THBS4: variants seen among roughly 807,000 people sequenced by gnomAD.
THBS4 encodes thrombospondin-4.
In THBS4, 90 loss-of-function variants were observed where a neutral mutation model predicts 115.7. The observed-to-expected ratio is 0.78, with a 90% CI of 0.66 to 0.93. The LOEUF is 0.93. THBS4 is among the 40% of genes least tolerant of loss of function. The probability of loss-of-function intolerance (pLI) is 0.00; values close to 1 mark genes in which losing one functional copy is unlikely to be tolerated. For synonymous variants in THBS4, 460 were observed against 479.3 expected, an observed-to-expected ratio of 0.96 and a Z score of 0.53; for missense variants, 1,087 against 1,232.7, an observed-to-expected ratio of 0.88 and a Z score of 1.77.
chr5:80,042,218 T>C (rs1832925232), intron 2 of THBS4, among the ~76,000 whole-genome samples: 1 of 152,214 alleles, frequency 6.6e-6, no homozygotes, highest in Non-Finnish European at 1.5e-5. Context: ...ATTCTGCCCA[T>C]GTCTCTGCCT....
chr5:80,044,745 A>T (rs1193545215), intron 2 of THBS4, among the ~76,000 whole-genome samples: 1 of 151,976 alleles, frequency 6.6e-6, no homozygotes, highest in Non-Finnish European at 1.5e-5. Flanking sequence ...TTTTTTTTTT[A>T]ATGAATAAAT....
intron 20 of THBS4, among the ~76,000 whole-genome samples, chr5:80,081,749 A>C (rs1339207895): frequency 6.6e-6 from 1 of 152,218 alleles, no homozygotes; most frequent in Non-Finnish European, 1.5e-5. Flanking sequence ...CTAGGCCCTG[A>C]TAGTTGCTCT....
At chr5:80,076,767 C>A in intron 15 of THBS4, 88 bp from the exon 16 acceptor site, 2 of 1,313,488 alleles carry the variant, frequency 1.5e-6, no homozygotes, top group South Asian at 2.2e-5. Flanking sequence ...TTAAAAAAAA[C>A]CTCAAGCACA....
rs1742985189 is a variant in THBS4 at position 80,073,186 on chromosome 5, T to C, written c.1840-89T>C. 16 of 1,349,954 alleles carry C rather than the reference T, an allele frequency of 1.2e-5. No individual in the cohort carries two copies. In the Admixed American group the frequency reaches 2.8e-4, roughly 23 times the overall value. 83.6% of individuals were successfully genotyped at this position (1,349,954 alleles called of 1,614,324 possible). A position where few individuals can be genotyped will look rare whatever the true frequency, so the allele number is the denominator to read the frequency against. On this transcript the variant is annotated intron_variant, in intron 14 of 21. Coordinates refer to ENST00000350881, the MANE Select transcript of THBS4 (RefSeq NM_003248.6). ...GGTTCCAGAGAAATAATTCCCCAAA[T>C]CCAATGATGATGGGTGAGGTCTGCC... is the stretch of plus-strand genomic sequence containing the variant.
At chr5:80,025,265 T>C (rs185571549) in intron 2 of THBS4, among the ~76,000 whole-genome samples, 6 of 152,344 alleles carry the variant, frequency 3.9e-5, no homozygotes, top group African/African-American at 1.2e-4. Context: ...TATATATGCA[T>C]GCATGAATAT....
At chr5:80,081,674 A>G (rs1743513680) in intron 20 of THBS4, among the ~76,000 whole-genome samples, 1 of 152,234 alleles carries the variant, frequency 6.6e-6, no homozygotes, top group Admixed American at 6.5e-5. Context: ...ACCCTGGAAA[A>G]TATAGTTTAT....
chr5:80,068,387 G>A (rs573633472), intron 10 of THBS4: 2 of 401,982 alleles, frequency 5.0e-6, no homozygotes, highest in South Asian at 2.8e-5. Context: ...AGAGCCTCCG[G>A]TGAAGCCCCA....
chr5:80,058,971 C>T (rs533539434), intron 5 of THBS4, among the ~76,000 whole-genome samples, 181 bp downstream of exon 5: 1 of 151,818 alleles, frequency 6.6e-6, no homozygotes, highest in South Asian at 2.1e-4. Flanking sequence ...GGTCCAAGCT[C>T]GTGATGAACA....
chr5:80,024,297 C>A (rs1057324512), intron 2 of THBS4, among the ~76,000 whole-genome samples: 4 of 152,166 alleles, frequency 2.6e-5, no homozygotes, highest in African/African-American at 9.7e-5. Context: ...CTAACCAGGA[C>A]ACTACCCCTT....
chr5:80,040,343 T>A, intron 2 of THBS4, 63 bp downstream of exon 2: 1 of 1,338,194 alleles, frequency 7.5e-7, no homozygotes, highest in Non-Finnish European at 1.0e-6. Context: ...GGATTAGGGG[T>A]ATACTGTCTT....
chr5:80,037,812 T>C (rs1329609587), intron 1 of THBS4, among the ~76,000 whole-genome samples: 2 of 152,224 alleles, frequency 1.3e-5, no homozygotes, highest in African/African-American at 4.8e-5. Flanking sequence ...CCCTTTGCCC[T>C]CATTAGTGGA....
At chr5:80,029,972 A>C (rs2112003349) in intron 2 of THBS4, among the ~76,000 whole-genome samples, 2 of 152,274 alleles carry the variant, frequency 1.3e-5, no homozygotes, top group South Asian at 4.1e-4. Context: ...CATCTCAAAA[A>C]AAAATAATAG....
chr5:80,051,030 T>C (rs1177776239), intron 2 of THBS4, among the ~76,000 whole-genome samples: 2 of 152,164 alleles, frequency 1.3e-5, no homozygotes, highest in East Asian at 3.9e-4. Context: ...AATGGTCATC[T>C]TCCTCCTGCT....
rs1022220281 is a variant in THBS4, at chr5:80,083,148, G to C, written c.*7G>C. 2 of 1,610,996 alleles carry C rather than the reference G, an allele frequency of 1.2e-6. No individual in the cohort carries two copies. Among genetic ancestry groups the C allele is most frequent in the African/African-American group, 2.7e-5 (2 of 74,866 alleles). On this transcript the variant is annotated 3_prime_UTR_variant, in exon 22 of 22. Transcript: ENST00000350881. ...CGACCGCTTCGATAATTAAACCAAG[G>C]AAGCAATCTGTAACTGCTTTTCGGA...
chr5:80,058,025 C>T (rs955139970), intron 3 of THBS4, among the ~76,000 whole-genome samples, 181 bp from the exon 4 acceptor site: 1 of 152,192 alleles, frequency 6.6e-6, no homozygotes, highest in Non-Finnish European at 1.5e-5. Context: ...TACATATTCA[C>T]TTTAGTCAAA....
At chr5:80,077,103 C>T in intron 16 of THBS4, 55 bp downstream of exon 16, 1 of 1,445,290 alleles carries the variant, frequency 6.9e-7, no homozygotes, top group East Asian at 2.5e-5. Context: ...TTCAGCCAGG[C>T]ACATGGGGGC....
At chr5:80,034,450 A>G (rs1441498285), upstream of THBS4, among the ~76,000 whole-genome samples, 3 of 152,224 alleles carry the variant, frequency 2.0e-5, no homozygotes, top group Non-Finnish European at 4.4e-5. Context: ...ATTGTTACAG[A>G]GGAGAAATTT....
chr5:80,065,907 A>G (rs986747015), intron 9 of THBS4, among the ~76,000 whole-genome samples: 1 of 152,148 alleles, frequency 6.6e-6, no homozygotes, highest in African/African-American at 2.4e-5. Context: ...CCTGGCTAAC[A>G]TGGTTAAACC....
chr5:80,018,301 T>C (rs938036307), intron 2 of THBS4, among the ~76,000 whole-genome samples: 2 of 151,998 alleles, frequency 1.3e-5, no homozygotes, highest in Non-Finnish European at 2.9e-5. Context: ...TCACTAGTTA[T>C]CTCTTTGTGT....
Sources: gnomAD v4.1 joint callset for allele counts (sites outside exome capture counted in the v4.1 genomes callset) on GRCh38, gnomAD v4.1.1 for gene constraint, MANE v1.5 for transcripts, NCBI Gene and HGNC (gene_info 2026-07-23, HGNC 2026-07-21) for gene names.